SPRING1: variants seen among roughly 807,000 people sequenced by gnomAD.
The protein encoded by SPRING1 is SREBF pathway regulator in golgi 1, also known as SREBP regulating gene protein.
A neutral mutation model predicts 24.7 loss-of-function variants in SPRING1; 14 were observed. The observed-to-expected ratio is 0.57, with a 90% CI of 0.37 to 0.88. The LOEUF (loss-of-function observed/expected upper bound fraction) is 0.88, where lower values mean the gene tolerates loss of function less well. SPRING1 is among the 40% of genes least tolerant of loss of function. The pLI is 0.00. For missense variants in SPRING1, 255 were observed against 268.4 expected, an observed-to-expected ratio of 0.95 and a Z score of 0.35; for synonymous variants, 93 against 106.1, an observed-to-expected ratio of 0.88 and a Z score of 0.76.
chr12:116,738,034 C>G lies in SPRING1; in HGVS notation c.-134G>C. 9.1e-7 allele frequency: 1 copy of G among 1,098,052 alleles called. No homozygotes were observed. The highest frequency in any genetic ancestry group is 1.1e-6 in the Non-Finnish European group (1 of 903,044). 68.0% of individuals were successfully genotyped at this position (1,098,052 alleles called of 1,614,324 possible). The stretch of plus-strand genomic sequence containing the variant: ...CCGGCCCCGCCGCCCGCAGCCCAGT[C>G]TGCTCCCGGCAGCCTTGGGCGCAGC... On this transcript the variant is annotated 5_prime_UTR_variant, in exon 1 of 5. Coordinates refer to ENST00000261318, the MANE Select transcript of SPRING1 (RefSeq NM_024738.4).
intron 1 of SPRING1, among the ~76,000 whole-genome samples, chr12:116,737,112 C>G (rs1871260961): frequency 6.6e-6 from 1 of 152,216 alleles, no homozygotes. Context: ...GCAGTCCCCA[C>G]CGCTGAAGGG....
Position 116,713,750 on chromosome 12 carries a change from A to G in SPRING1, c.*4060T>C, listed in dbSNP as rs1016058869. 5.9e-5 allele frequency: 9 copies of G among 152,214 alleles called. No homozygotes were observed. The highest frequency in any genetic ancestry group is 4.4e-5 in the Non-Finnish European group (3 of 68,044). 9.4% of individuals were successfully genotyped at this position (152,214 alleles called of 1,614,324 possible). ...TGACACCATGTGGCCACACAAATGCATTACACAGGCCTCTATGTAACATAG... is the reference window on the plus strand; with the variant it reads ...TGACACCATGTGGCCACACAAATGCGTTACACAGGCCTCTATGTAACATAG... On this transcript the variant is annotated 3_prime_UTR_variant, in exon 5 of 5. Transcript: ENST00000261318.
intron 1 of SPRING1, among the ~76,000 whole-genome samples, chr12:116,725,709 C>T (rs1328675047): frequency 1.3e-5 from 2 of 152,010 alleles, no homozygotes; most frequent in East Asian, 1.9e-4. Flanking sequence ...CACAGTGAAA[C>T]CCCGTCTCTA....
At position 116,717,763 on chromosome 12, in the gene SPRING1, T is replaced by C. The variant is rs1424782947; in HGVS notation, c.*47A>G. The C allele has an allele frequency of 2.7e-6, 4 of 1,504,934 alleles. No individual in the cohort carries two copies. The highest frequency in any genetic ancestry group is 3.6e-6 in the Non-Finnish European group (4 of 1,114,994). The allele number at this position is 1,504,934 out of a possible 1,614,324, so 93.2% of individuals were successfully genotyped here. A position where few individuals can be genotyped will look rare whatever the true frequency, so the allele number is the denominator to read the frequency against. ...AAGCTGGGTCCCAGGAGGCGAGTTC[T>C]TCAGCGGGGCCTCCTCACCCAGGCT... On this transcript the variant is annotated 3_prime_UTR_variant, in exon 5 of 5. Coordinates refer to ENST00000261318, the MANE Select transcript of SPRING1 (RefSeq NM_024738.4). The surrounding 1 kb of genome is among the most constrained non-coding windows in gnomAD (Gnocchi z 4.2).
chr12:116,728,502 C>G lies in SPRING1; in HGVS notation c.112-5279G>C, dbSNP rs567319901. Among the ~76,000 whole-genome samples the G allele has an allele frequency of 6.6e-6, 1 of 152,332 alleles. No individual in the cohort carries two copies. The highest frequency in any genetic ancestry group is 2.1e-4 in the South Asian group (1 of 4,822). ...ATCACTGATTTCTTCTGCCTCCCAT[C>G]TCTACAATTTAAGTTATCCCCCATA... On this transcript the variant is annotated intron_variant, in intron 1 of 4. Transcript: ENST00000261318. The surrounding 1 kb of genome is among the most constrained non-coding windows in gnomAD (Gnocchi z 4.2).
chr12:116,734,547 C>T (rs1268081103), intron 1 of SPRING1, among the ~76,000 whole-genome samples: 2 of 152,184 alleles, frequency 1.3e-5, no homozygotes, highest in African/African-American at 4.8e-5. Flanking sequence ...GTTAAAAAGA[C>T]TCACTTGTTT....
chr12:116,724,125 T>C (rs1169262081), intron 1 of SPRING1, among the ~76,000 whole-genome samples: 3 of 152,230 alleles, frequency 2.0e-5, no homozygotes, highest in Non-Finnish European at 4.4e-5. Context: ...ACATTCACTG[T>C]TCTAACGGAG....
rs2137021980 is a variant in SPRING1 at position 116,711,579 on chromosome 12, T to TTA, written c.*6229_*6230dup. On this transcript the variant is annotated 3_prime_UTR_variant, in exon 5 of 5. Coordinates refer to ENST00000261318, the MANE Select transcript of SPRING1 (RefSeq NM_024738.4). ...GATGTGACCAACATAGCCTGGAATC[T>TTA]TAAATTACTGATAATGGTGATTTCT... The TTA allele has an allele frequency of 6.6e-6, 1 of 152,322 alleles. No individual in the cohort carries two copies. Among genetic ancestry groups the TTA allele is most frequent in the African/African-American group, 2.4e-5 (1 of 41,568 alleles). 9.4% of individuals were successfully genotyped at this position (152,322 alleles called of 1,614,324 possible). A position where few individuals can be genotyped will look rare whatever the true frequency, so the allele number is the denominator to read the frequency against.
chr12:116,722,605 C>G (rs761229288), intron 2 of SPRING1, among the ~76,000 whole-genome samples: 1 of 152,222 alleles, frequency 6.6e-6, no homozygotes, highest in African/African-American at 2.4e-5. Context: ...ACTGGCATCA[C>G]TGCTGAGTTG....
rs1869842644 is a variant in SPRING1, at chr12:116,710,903, G to A, written c.*6907C>T. On this transcript the variant is annotated 3_prime_UTR_variant, in exon 5 of 5. Transcript: ENST00000261318. Reference sequence around the variant, plus strand: ...TAGCCATCACCCTTAATTGACAAATGAGGAAACCAAAGCCGGAGAGGGTAA... The same window carrying A: ...TAGCCATCACCCTTAATTGACAAATAAGGAAACCAAAGCCGGAGAGGGTAA... 6.6e-6 allele frequency: 1 copy of A among 152,110 alleles called. No individual in the cohort carries two copies. Among genetic ancestry groups the A allele is most frequent in the Non-Finnish European group, 1.5e-5 (1 of 68,028 alleles). The allele number at this position is 152,110 out of a possible 1,614,324, so 9.4% of individuals were successfully genotyped here. A position where few individuals can be genotyped will look rare whatever the true frequency, so the allele number is the denominator to read the frequency against.
chr12:116,720,410 G>A lies in SPRING1; in HGVS notation c.306C>T (p.Gly102=), dbSNP rs778229935. 1 of 1,614,158 alleles carries A rather than the reference G, an allele frequency of 6.2e-7. No individual in the cohort carries two copies. Among genetic ancestry groups the A allele is most frequent in the Non-Finnish European group, 8.5e-7 (1 of 1,180,024 alleles). ...VCERKDLLVN[G]CCNVNVPSTK... is the part of the protein sequence containing the mutation. Reference sequence around the variant, plus strand: ...TGCTAGGGACGTTGACATTACAGCAGCCATTTACCAGCAAATCCTTCCTCT... The same window carrying A: ...TGCTAGGGACGTTGACATTACAGCAACCATTTACCAGCAAATCCTTCCTCT... Residue 102 remains glycine (G), a synonymous_variant, in exon 3 of 5, where the codon GGC becomes GGT. Coordinates refer to ENST00000261318, the MANE Select transcript of SPRING1 (RefSeq NM_024738.4). This position sits in a 1 kb window ranked among gnomAD's most constrained non-coding sequence, Gnocchi z 4.0.
At chr12:116,736,205 A>G (rs1871212984) in intron 1 of SPRING1, among the ~76,000 whole-genome samples, 1 of 152,176 alleles carries the variant, frequency 6.6e-6, no homozygotes, top group South Asian at 2.1e-4. Flanking sequence ...ACTGGCATCA[A>G]CAGCATACCT....
chr12:116,735,980 G>A (rs1871198820), intron 1 of SPRING1, among the ~76,000 whole-genome samples: 2 of 147,948 alleles, frequency 1.4e-5, no homozygotes, highest in South Asian at 4.3e-4. Context: ...GGTGGAGGCT[G>A]TGGTGAGTTG....
intron 1 of SPRING1, among the ~76,000 whole-genome samples, chr12:116,730,076 A>C (rs1343532396): frequency 6.7e-6 from 1 of 150,268 alleles, no homozygotes; most frequent in African/African-American, 2.5e-5. Context: ...AATTTTTTGT[A>C]TTTTTAGTAG....
rs1037688341 is a variant in SPRING1 at position 116,712,768 on chromosome 12, C to A, written c.*5042G>T. 6.6e-6 allele frequency: 1 copy of A among 152,322 alleles called. No homozygotes were observed. The highest frequency in any genetic ancestry group is 1.5e-5 in the Non-Finnish European group (1 of 68,076). 9.4% of individuals were successfully genotyped at this position (152,322 alleles called of 1,614,324 possible). Reference sequence around the variant, plus strand: ...GGGGAAGCGTTCTACCCCTCCAGATCCTTCTGCAGACAGGAGGGTGTCTGC... The same window carrying A: ...GGGGAAGCGTTCTACCCCTCCAGATACTTCTGCAGACAGGAGGGTGTCTGC... On this transcript the variant is annotated 3_prime_UTR_variant, in exon 5 of 5. Transcript: ENST00000261318.
rs776103501 is a variant in SPRING1 at position 116,717,914 on chromosome 12, A to AGAGCGCAGTGAGAGC, written c.535-36_535-22dup. ...ACGCTCTGTTGGCAAAAGGAAAATA[A>AGAGCGCAGTGAGAGC]GAGCGCAGTGAGAGCGAGCACAGCT... On this transcript the variant is annotated intron_variant, in intron 4 of 4. Transcript: ENST00000261318. This position sits in a 1 kb window ranked among gnomAD's most constrained non-coding sequence, Gnocchi z 4.2. The AGAGCGCAGTGAGAGC allele has an allele frequency of 1.9e-6, 3 of 1,579,410 alleles. No homozygotes were observed. The South Asian group carries it at 3.4e-5, about 18-fold the overall frequency.
chr12:116,727,646 T>C (rs1870769787), intron 1 of SPRING1, among the ~76,000 whole-genome samples: 1 of 152,240 alleles, frequency 6.6e-6, no homozygotes, highest in Non-Finnish European at 1.5e-5. Flanking sequence ...TGCAGCCTGA[T>C]AATGGAAATT....
At chr12:116,724,045 C>T (rs1870566638) in intron 1 of SPRING1, among the ~76,000 whole-genome samples, 1 of 151,986 alleles carries the variant, frequency 6.6e-6, no homozygotes, top group Non-Finnish European at 1.5e-5. Context: ...AGAAAACAAG[C>T]CGAGCTTGAG....
intron 1 of SPRING1, among the ~76,000 whole-genome samples, chr12:116,725,652 A>G (rs535303010): frequency 1.1e-3 from 171 of 152,188 alleles, no homozygotes; most frequent in Non-Finnish European, 2.1e-3. Context: ...TTGGGAGGCC[A>G]AGGCGGGCGG....
Sources: allele counts gnomAD v4.1 joint callset (sites outside exome capture counted in the v4.1 genomes callset), GRCh38; gene constraint gnomAD v4.1.1; non-coding constraint Gnocchi (gnomAD v3.1); transcripts MANE v1.5; gene names NCBI Gene and HGNC (gene_info 2026-07-23, HGNC 2026-07-21).